THOC1: variants seen among roughly 807,000 people sequenced by gnomAD.
The protein encoded by THOC1 is THO complex 1.
A neutral mutation model predicts 97.3 loss-of-function variants in THOC1; 29 were observed. The ratio of observed to expected loss-of-function variants is 0.30; its 90% CI spans 0.22 to 0.41. The LOEUF is 0.41. Ranked by LOEUF, THOC1 falls within the 10% of genes least tolerant of loss-of-function variation. THOC1 has a pLI of 1.00. For synonymous variants in THOC1, 255 were observed against 257.0 expected (o/e 0.99, Z 0.07); for missense variants, 529 against 761.9 (o/e 0.69, Z 3.60).
intron 11 of THOC1, among the ~76,000 whole-genome samples, chr18:230,761 G>C (rs951467577): frequency 2.6e-5 from 4 of 152,028 alleles, no homozygotes; most frequent in Non-Finnish European, 1.5e-5. Context: ...TTAGCGACAG[G>C]GTCTCACTCT....
chr18:265,154 C>T (rs184629762), intron 3 of THOC1, 149 bp downstream of exon 3: 5 of 641,442 alleles, frequency 7.8e-6, no homozygotes, highest in Middle Eastern at 4.3e-4. Context: ...TTAGAGAAAT[C>T]GTATAGTCAT....
intron 16 of THOC1, among the ~76,000 whole-genome samples, chr18:223,740 A>G (rs2143162381): frequency 6.6e-6 from 1 of 152,364 alleles, no homozygotes; most frequent in East Asian, 1.9e-4. Context: ...TTTTTCTAAA[A>G]ATATTCCAGC....
intron 9 of THOC1, among the ~76,000 whole-genome samples, chr18:249,203 G>T (rs903437353): frequency 1.3e-5 from 2 of 152,144 alleles, no homozygotes; most frequent in Non-Finnish European, 2.9e-5. Flanking sequence ...GTATCTGAAA[G>T]ACTCTAATGG....
rs779852649 is a variant in THOC1, at chr18:218,895, T to C, written c.1445A>G (p.Asn482Ser). The C allele has an allele frequency of 5.6e-5, 90 of 1,597,216 alleles. 1 individual carries two copies. The highest frequency in any genetic ancestry group is 1.7e-5 in the Admixed American group (1 of 58,004). The change falls in exon 18 of 21, where the codon AAT becomes AGT. Residue 482 changes from asparagine to serine, a missense_variant. Transcript: ENST00000261600. ...TGAGGAGCATACTTACTTATATTCA[T>C]TTTCCACCATATTTTCAGGGTCTGC... Reference protein sequence around the residue: ...EQADPENMVENEYKAVNNSNY... With the variant: ...EQADPENMVESEYKAVNNSNY...
intron 10 of THOC1, 120 bp downstream of exon 10, chr18:247,729 G>T: frequency 1.6e-6 from 1 of 617,130 alleles, no homozygotes; most frequent in Non-Finnish European, 2.8e-6. Context: ...TTATGAAATT[G>T]GTATAAAAAT....
rs140399107 is a variant in THOC1, at chr18:264,544, G to A, written c.190-452C>T. On this transcript the variant is annotated intron_variant, in intron 3 of 20. Transcript: ENST00000261600. ...CCAGCATTTACTGAGTGTTCATTAA[G>A]TGCTGTTTTACACACAACAACACTG... is the stretch of plus-strand genomic sequence containing the variant. Among the ~76,000 whole-genome samples, 786 of 152,288 alleles carry A rather than the reference G, an allele frequency of 5.2e-3. 3 individuals carry two copies. Among genetic ancestry groups the A allele is most frequent in the Non-Finnish European group, 7.8e-3 (532 of 68,024 alleles).
intron 4 of THOC1, chr18:261,185 G>T (rs1266296715): frequency 3.3e-5 from 5 of 152,018 alleles, no homozygotes; most frequent in African/African-American, 1.2e-4. Context: ...CTTAAGAAAA[G>T]GTCTACGTAG....
chr18:221,889 T>A (rs758900570), intron 17 of THOC1, among the ~76,000 whole-genome samples: 10 of 152,202 alleles, frequency 6.6e-5, no homozygotes, highest in East Asian at 1.9e-4. Context: ...ATTACAGGTA[T>A]GAGCCACCGC....
intron 1 of THOC1, among the ~76,000 whole-genome samples, chr18:266,252 A>G (rs980288935): frequency 2.0e-5 from 3 of 152,258 alleles, no homozygotes; most frequent in African/African-American, 7.2e-5. Context: ...AATTAGATCT[A>G]TCCTAAATGT....
At chr18:232,436 A>G (rs898336293) in intron 11 of THOC1, among the ~76,000 whole-genome samples, 1 of 151,848 alleles carries the variant, frequency 6.6e-6, no homozygotes, top group African/African-American at 2.4e-5. Flanking sequence ...AGATTTGCCA[A>G]CCCCTGCTAT....
chr18:217,794 A>G (rs1256639740), intron 18 of THOC1, among the ~76,000 whole-genome samples: 1 of 152,110 alleles, frequency 6.6e-6, no homozygotes, highest in Non-Finnish European at 1.5e-5. Flanking sequence ...AACCTTGGGG[A>G]AAAAGTGGTT....
intron 7 of THOC1, among the ~76,000 whole-genome samples, chr18:256,584 T>A (rs1057176478): frequency 6.6e-6 from 1 of 152,226 alleles, no homozygotes; most frequent in African/African-American, 2.4e-5. Flanking sequence ...GCGAACACTG[T>A]TGAATGACAA....
At chr18:237,105 A>G (rs946898383) in intron 11 of THOC1, among the ~76,000 whole-genome samples, 1 of 151,404 alleles carries the variant, frequency 6.6e-6, no homozygotes, top group Non-Finnish European at 1.5e-5. Flanking sequence ...GTCTGATCAG[A>G]CTGTGTGGCT....
chr18:218,475 AGTGGGCAAC>A (rs1910969515), intron 18 of THOC1, among the ~76,000 whole-genome samples: 2 of 152,254 alleles, frequency 1.3e-5, no homozygotes, highest in Middle Eastern at 6.8e-3. Flanking sequence ...TGTGAGGTGG[AGTGGGCAAC>A]GAGGGCAAAG....
Position 224,888 on chromosome 18 carries a change from GAGTATGTATTTACCTTTCTTTC to G in THOC1, c.1208+14_1208+35del. 166 of 1,493,666 alleles carry G rather than the reference GAGTATGTATTTACCTTTCTTTC, an allele frequency of 1.1e-4. 1 individual carries two copies. In the African/African-American group the frequency reaches 1.7e-3, roughly 15 times the overall value. 92.5% of individuals were successfully genotyped at this position (1,493,666 alleles called of 1,614,324 possible). A position where few individuals can be genotyped will look rare whatever the true frequency, so the allele number is the denominator to read the frequency against. ...AAGCCTTTCTCGTCGTTCTTGTGAT[GAGTATGTATTTACCTTTCTTTC>G]AGTATGTATTTACCTTTCTTTCACA... is the stretch of plus-strand genomic sequence containing the variant. On this transcript the variant is annotated intron_variant, in intron 15 of 20. Coordinates refer to ENST00000261600, the MANE Select transcript of THOC1 (RefSeq NM_005131.3).
chr18:241,147 C>A (rs538888422), intron 11 of THOC1, among the ~76,000 whole-genome samples: 4 of 152,120 alleles, frequency 2.6e-5, no homozygotes, highest in African/African-American at 9.6e-5. Flanking sequence ...GCCTCCCATG[C>A]CGAGAACAAC....
rs186015670 is a variant in THOC1 at position 259,743 on chromosome 18, C to T, written c.376-13G>A. The T allele has an allele frequency of 6.1e-3, 9,369 of 1,530,294 alleles. 48 individuals are homozygous for T. The highest frequency in any genetic ancestry group is 7.6e-3 in the Non-Finnish European group (8,617 of 1,134,518). 94.8% of individuals were successfully genotyped at this position (1,530,294 alleles called of 1,614,324 possible). A position where few individuals can be genotyped will look rare whatever the true frequency, so the allele number is the denominator to read the frequency against. ...AATAGAATGTATTCTGAAATTAAGA[C>T]GGAAATTATCACTCTTCTTCAGAAC... On this transcript the variant is annotated splice_polypyrimidine_tract_variant and intron_variant, in intron 5 of 20. Transcript: ENST00000261600.
intron 11 of THOC1, among the ~76,000 whole-genome samples, chr18:227,732 T>A (rs1911346259): frequency 6.6e-6 from 1 of 152,134 alleles, no homozygotes; most frequent in Non-Finnish European, 1.5e-5. Context: ...TCATGCTAGT[T>A]CTGCCTTCAA....
intron 17 of THOC1, 61 bp downstream of exon 17, chr18:223,379 G>C (rs1411917974): frequency 1.1e-5 from 14 of 1,328,636 alleles, no homozygotes; most frequent in African/African-American, 3.0e-5. Context: ...GCTGAGAAAA[G>C]GCTCCATTCT....
Sources: gnomAD v4.1 joint callset for allele counts (sites outside exome capture counted in the v4.1 genomes callset) on GRCh38, gnomAD v4.1.1 for gene constraint, MANE v1.5 for transcripts, NCBI Gene and HGNC (gene_info 2026-07-23, HGNC 2026-07-21) for gene names.